The following VEPH1 variants were observed in gnomAD, a reference collection of about 807,000 sequenced individuals.
The protein encoded by VEPH1 is ventricular zone expressed PH domain containing 1.
A neutral mutation model predicts 85.2 loss-of-function variants in VEPH1; 80 were observed. The ratio of observed to expected loss-of-function variants is 0.94; its 90% CI spans 0.78 to 1.13. VEPH1 has a LOEUF of 1.13. VEPH1 is among the 50% of genes most tolerant of loss of function. VEPH1 has a pLI of 0.00. For missense variants in VEPH1, 955 were observed against 980.5 expected (o/e 0.97, Z 0.35); for synonymous variants, 297 against 348.0 (o/e 0.85, Z 1.63).
intron 3 of VEPH1, among the ~76,000 whole-genome samples, chr3:157,465,018 T>C (rs552708320): frequency 3.2e-4 from 48 of 152,316 alleles, no homozygotes; most frequent in Admixed American, 2.7e-3. Flanking sequence ...CCAGTGAATT[T>C]TCTGACAGGT....
chr3:157,406,309 A>AT (rs1387739655), intron 6 of VEPH1, among the ~76,000 whole-genome samples: 1 of 151,940 alleles, frequency 6.6e-6, no homozygotes, highest in Non-Finnish European at 1.5e-5. Flanking sequence ...CGGACCCCAG[A>AT]TTTTTTTTAG....
chr3:157,323,647 G>C (rs1721592111), intron 9 of VEPH1, among the ~76,000 whole-genome samples: 1 of 152,010 alleles, frequency 6.6e-6, no homozygotes, highest in Non-Finnish European at 1.5e-5. Flanking sequence ...TTGTCAAATG[G>C]GCATGTTGGA....
At chr3:157,277,807 G>T (rs1430878362) in intron 12 of VEPH1, among the ~76,000 whole-genome samples, 6 of 152,210 alleles carry the variant, frequency 3.9e-5, no homozygotes, top group Non-Finnish European at 7.4e-5. Context: ...CTTATGAAAA[G>T]AACTTATTTA....
At chr3:157,346,042 G>T (rs577718987) in intron 9 of VEPH1, among the ~76,000 whole-genome samples, 1 of 151,076 alleles carries the variant, frequency 6.6e-6, no homozygotes, top group African/African-American at 2.4e-5. Context: ...GGTGGGGGAG[G>T]GGGGAGGGAT....
intron 9 of VEPH1, among the ~76,000 whole-genome samples, chr3:157,362,374 G>A (rs1726145497): frequency 6.6e-6 from 1 of 152,126 alleles, no homozygotes; most frequent in Admixed American, 6.6e-5. Flanking sequence ...TGTGCCTGAG[G>A]AAGGTCCTGG....
chr3:157,486,012 G>T (rs1738599121), intron 2 of VEPH1, among the ~76,000 whole-genome samples: 1 of 152,070 alleles, frequency 6.6e-6, no homozygotes, highest in South Asian at 2.1e-4. Flanking sequence ...AATTATAATG[G>T]AAAATGTAAA....
chr3:157,286,568 TC>T lies in VEPH1; in HGVS notation c.2116del (p.Glu706ArgfsTer6). ...TAAGGGTCTCTCACCAGTTGCTTTC[TC>T]AGGATTGTTGCACATGAAGCATTGC... ...AWQCFMCNNP[E>X]KATVVNQDGQ... On this transcript the variant is annotated frameshift_variant, in exon 12 of 14. Transcript: ENST00000362010. LOFTEE classifies it high-confidence loss of function. 1 of 1,614,020 alleles carries T rather than the reference TC, an allele frequency of 6.2e-7. No homozygotes were observed. Among genetic ancestry groups the T allele is most frequent in the Non-Finnish European group, 8.5e-7 (1 of 1,179,898 alleles).
chr3:157,344,884 C>G lies in VEPH1; in HGVS notation c.1735+18480G>C, dbSNP rs544399150. ...AGAAATAATGCCACACATCTACAAC[C>G]ATCTGATCTTTCACAAACCTGACAA... On this transcript the variant is annotated intron_variant, in intron 9 of 13. Transcript: ENST00000362010. 2.4e-4 allele frequency among the ~76,000 whole-genome samples: 37 copies of G among 152,190 alleles called. 1 individual carries two copies. The highest frequency in any genetic ancestry group is 8.9e-4 in the African/African-American group (37 of 41,526).
At chr3:157,474,223 A>G (rs986831658) in intron 2 of VEPH1, among the ~76,000 whole-genome samples, 22 of 152,068 alleles carry the variant, frequency 1.4e-4, no homozygotes, top group African/African-American at 5.1e-4. Context: ...TTTTACTGGT[A>G]TCTCCTGGAG....
intron 5 of VEPH1, among the ~76,000 whole-genome samples, chr3:157,418,471 C>T (rs1326669469): frequency 6.6e-6 from 1 of 152,028 alleles, no homozygotes; most frequent in Non-Finnish European, 1.5e-5. Context: ...TAAAAGTTTT[C>T]AAGCAATTAA....
At chr3:157,327,997 C>T (rs372951203) in intron 9 of VEPH1, among the ~76,000 whole-genome samples, 2 of 152,122 alleles carry the variant, frequency 1.3e-5, no homozygotes, top group Non-Finnish European at 2.9e-5. Context: ...GATTCTGGAG[C>T]GAGACTTTCC....
chr3:157,494,627 G>A (rs1739502688), intron 2 of VEPH1, among the ~76,000 whole-genome samples: 1 of 152,218 alleles, frequency 6.6e-6, no homozygotes, highest in African/African-American at 2.4e-5. Context: ...CAGGTCCAGG[G>A]AGTAGGGATG....
chr3:157,266,679 T>A (rs1033345160), intron 12 of VEPH1, among the ~76,000 whole-genome samples: 2 of 152,170 alleles, frequency 1.3e-5, no homozygotes, highest in Non-Finnish European at 2.9e-5. Flanking sequence ...TGATTACAAA[T>A]GATCATAGAA....
At chr3:157,312,560 C>G (rs184358033) in intron 11 of VEPH1, among the ~76,000 whole-genome samples, 1 of 152,160 alleles carries the variant, frequency 6.6e-6, no homozygotes, top group African/African-American at 2.4e-5. Flanking sequence ...TTCTTCTGCT[C>G]CATCAGATTA....
Position 157,299,881 on chromosome 3 carries a change from T to C in VEPH1, c.2011-13207A>G, listed in dbSNP as rs547633866. On this transcript the variant is annotated intron_variant, in intron 11 of 13. Transcript: ENST00000362010. ...TGCAATAAAATAGTACCAGCTACTG[T>C]TTATTGAGCTCTTACTATATGGCAA... Among the ~76,000 whole-genome samples, 5 of 152,330 alleles carry C rather than the reference T, an allele frequency of 3.3e-5. No homozygotes were observed. The South Asian group carries it at 6.2e-4, about 19-fold the overall frequency.
chr3:157,336,062 T>C (rs1249720147), intron 9 of VEPH1, among the ~76,000 whole-genome samples: 1 of 152,188 alleles, frequency 6.6e-6, no homozygotes, highest in Non-Finnish European at 1.5e-5. Context: ...CCTTACATGA[T>C]AGCTCCTCAT....
chr3:157,279,876 T>A (rs1268390389), intron 12 of VEPH1, among the ~76,000 whole-genome samples: 1 of 151,616 alleles, frequency 6.6e-6, no homozygotes, highest in Non-Finnish European at 1.5e-5. Flanking sequence ...ATTAGCTGAG[T>A]GTGGTGGCGC....
chr3:157,293,161 C>G (rs1377682098), intron 11 of VEPH1, among the ~76,000 whole-genome samples: 1 of 152,062 alleles, frequency 6.6e-6, no homozygotes, highest in Non-Finnish European at 1.5e-5. Flanking sequence ...CAATTTGAAA[C>G]TTGGCAGAAG....
intron 2 of VEPH1, among the ~76,000 whole-genome samples, chr3:157,484,964 A>G (rs1172854190): frequency 6.6e-6 from 1 of 152,166 alleles, no homozygotes; most frequent in African/African-American, 2.4e-5. Flanking sequence ...CCTGCCCTCA[A>G]TTGTATTACT....
Sources: gnomAD v4.1 joint callset for allele counts (sites outside exome capture counted in the v4.1 genomes callset) on GRCh38, gnomAD v4.1.1 for gene constraint, MANE v1.5 for transcripts, NCBI Gene and HGNC (gene_info 2026-07-23, HGNC 2026-07-21) for gene names.